The following CSMD3 variants were observed in gnomAD, a reference collection of about 807,000 sequenced individuals.
CSMD3 encodes the protein CUB and sushi domain-containing protein 3.
A neutral mutation model predicts 435.2 loss-of-function variants in CSMD3; 177 were observed. The observed-to-expected ratio is 0.41, with a 90% confidence interval of 0.36 to 0.46. CSMD3 has a LOEUF of 0.46. CSMD3 is among the 20% of genes least tolerant of loss of function. The pLI, the probability that CSMD3 is intolerant of heterozygous loss-of-function variation, is 0.34. For synonymous variants in CSMD3, 1,656 were observed against 1,520.5 expected (o/e 1.09, Z -2.07); for missense variants, 4,265 against 4,504.6 (o/e 0.95, Z 1.52).
chr8:113,382,830 A>T (rs934594497), intron 1 of CSMD3, among the ~76,000 whole-genome samples: 1 of 152,022 alleles, frequency 6.6e-6, no homozygotes, highest in Non-Finnish European at 1.5e-5. Flanking sequence ...AAAATACAAA[A>T]ATTAGCCAGA....
chr8:113,191,199 C>A (rs1211624210), intron 3 of CSMD3, among the ~76,000 whole-genome samples: 3 of 151,728 alleles, frequency 2.0e-5, no homozygotes, highest in African/African-American at 7.2e-5. Context: ...CATGTTCATA[C>A]CATTCTCAAA....
At chr8:112,315,951 T>G (rs1266042407) in intron 47 of CSMD3, among the ~76,000 whole-genome samples, 2 of 151,844 alleles carry the variant, frequency 1.3e-5, no homozygotes, top group Non-Finnish European at 3.0e-5. Context: ...AATAAATAGA[T>G]GAAGAACTTA....
At chr8:112,254,077 A>AT (rs902587939) in intron 63 of CSMD3, among the ~76,000 whole-genome samples, 176 bp downstream of exon 63, 1 of 151,486 alleles carries the variant, frequency 6.6e-6, no homozygotes, top group South Asian at 2.1e-4. Flanking sequence ...TATTAAAAAA[A>AT]TTTTTTTTTC....
At chr8:112,273,910 A>G (rs559152161) in intron 59 of CSMD3, among the ~76,000 whole-genome samples, 4 of 150,934 alleles carry the variant, frequency 2.7e-5, no homozygotes, top group African/African-American at 9.7e-5. Flanking sequence ...TATAAAGTTT[A>G]CAGTTTAGTG....
chr8:112,829,625 G>T (rs2079803393), intron 12 of CSMD3, 61 bp downstream of exon 12: 3 of 912,688 alleles, frequency 3.3e-6, no homozygotes, highest in Non-Finnish European at 5.5e-6. Context: ...ACAATAATTT[G>T]AAAGTAAAAT....
chr8:112,277,061 T>G (rs1818128679), intron 59 of CSMD3, among the ~76,000 whole-genome samples: 1 of 152,166 alleles, frequency 6.6e-6, no homozygotes, highest in Non-Finnish European at 1.5e-5. Flanking sequence ...CCTATTGTTT[T>G]GGCAATTAAC....
chr8:113,112,871 A>C (rs2090705137), intron 4 of CSMD3, among the ~76,000 whole-genome samples: 1 of 152,120 alleles, frequency 6.6e-6, no homozygotes, highest in Admixed American at 6.6e-5. Context: ...GCTTAGTTTT[A>C]TATTTTGTTT....
At chr8:112,731,198 A>C (rs533096870) in intron 13 of CSMD3, among the ~76,000 whole-genome samples, 2 of 128,128 alleles carry the variant, frequency 1.6e-5, no homozygotes, top group South Asian at 5.0e-4. Flanking sequence ...ATTTCATTTT[A>C]AGAGGATAGA....
At chr8:113,295,306 T>A (rs1293033569) in intron 2 of CSMD3, among the ~76,000 whole-genome samples, 2 of 152,106 alleles carry the variant, frequency 1.3e-5, no homozygotes, top group Non-Finnish European at 2.9e-5. Context: ...AGAACTATAA[T>A]TCAAAAGAGG....
chr8:113,208,985 T>C (rs772803980), intron 3 of CSMD3, among the ~76,000 whole-genome samples: 14 of 152,194 alleles, frequency 9.2e-5, no homozygotes, highest in South Asian at 4.1e-4. Context: ...TTTTAATCTA[T>C]GTTCTTTTAC....
intron 54 of CSMD3, 61 bp downstream of exon 54, chr8:112,295,772 C>T: frequency 6.8e-7 from 1 of 1,463,072 alleles, no homozygotes; most frequent in East Asian, 2.3e-5. Context: ...TCTTGCCTAA[C>T]AAAAACTAGA....
At chr8:112,334,173 G>A (rs1824353974) in intron 45 of CSMD3, among the ~76,000 whole-genome samples, 1 of 152,142 alleles carries the variant, frequency 6.6e-6, no homozygotes, top group South Asian at 2.1e-4. Flanking sequence ...TTTTCAACTG[G>A]TTATGTTGGA....
At chr8:112,442,605 C>T (rs1815153197) in intron 32 of CSMD3, among the ~76,000 whole-genome samples, 1 of 151,986 alleles carries the variant, frequency 6.6e-6, no homozygotes, top group Admixed American at 6.6e-5. Flanking sequence ...CCACAATATC[C>T]ATTCTCCCCT....
At chr8:112,459,952 C>T (rs2130669002) in intron 32 of CSMD3, among the ~76,000 whole-genome samples, 1 of 152,224 alleles carries the variant, frequency 6.6e-6, no homozygotes, top group African/African-American at 2.4e-5. Context: ...TTCATTAAGA[C>T]TTAGGTCATG....
chr8:112,260,615 C>T (rs1057142731), intron 61 of CSMD3, among the ~76,000 whole-genome samples: 1 of 151,944 alleles, frequency 6.6e-6, no homozygotes, highest in Non-Finnish European at 1.5e-5. Context: ...GCAAACCTGC[C>T]ATATACTCAT....
intron 10 of CSMD3, among the ~76,000 whole-genome samples, chr8:112,877,333 T>C (rs1259946159): frequency 6.6e-6 from 1 of 151,986 alleles, no homozygotes; most frequent in Admixed American, 6.6e-5. Flanking sequence ...TGGTGTGATA[T>C]CGGCTCACTG....
intron 11 of CSMD3, among the ~76,000 whole-genome samples, chr8:112,842,070 G>A (rs902023766): frequency 7.9e-5 from 12 of 151,674 alleles, no homozygotes; most frequent in African/African-American, 2.7e-4. Flanking sequence ...AAGTGCTGTG[G>A]GTAACACAGG....
intron 41 of CSMD3, among the ~76,000 whole-genome samples, chr8:112,343,636 T>C (rs567644777): frequency 1.3e-5 from 2 of 152,236 alleles, no homozygotes; most frequent in East Asian, 3.9e-4. Context: ...TTTACTTAAC[T>C]TTTTGTTTTT....
intron 5 of CSMD3, among the ~76,000 whole-genome samples, chr8:113,022,852 TAC>T (rs1174012612): frequency 6.6e-6 from 1 of 151,952 alleles, no homozygotes; most frequent in Non-Finnish European, 1.5e-5. Context: ...CTGACAATAA[TAC>T]AGAGTAACTT....
Sources: gnomAD v4.1 joint callset for allele counts (sites outside exome capture counted in the v4.1 genomes callset) on GRCh38, gnomAD v4.1.1 for gene constraint, MANE v1.5 for transcripts, NCBI Gene and HGNC (gene_info 2026-07-23, HGNC 2026-07-21) for gene names.